The following ST3GAL4 variants were observed in gnomAD, a reference collection of about 807,000 sequenced individuals.
ST3GAL4 encodes the protein CMP-N-acetylneuraminate-beta-galactosamide-alpha-2,3-sialyltransferase 4.
In ST3GAL4, 24 loss-of-function variants were observed where a neutral mutation model predicts 42.6. The ratio of observed to expected loss-of-function variants is 0.56; its 90% CI spans 0.41 to 0.79. The LOEUF (loss-of-function observed/expected upper bound fraction) is 0.79. Ranked by LOEUF, ST3GAL4 falls within the 30% of genes least tolerant of loss-of-function variation. The pLI, the probability that ST3GAL4 is intolerant of heterozygous loss-of-function variation, is 0.00. For missense variants in ST3GAL4, 311 were observed against 430.8 expected (o/e 0.72, Z 2.46); for synonymous variants, 135 against 163.2 (o/e 0.83, Z 1.32).
At position 126,407,312 on chromosome 11, in the gene ST3GAL4, A is replaced by C; in HGVS notation, c.243A>C (p.Pro81=). The change falls in exon 5 of 11, where the codon CCA becomes CCC. Residue 81 remains proline, a synonymous_variant. Coordinates refer to ENST00000444328, the MANE Select transcript of ST3GAL4 (RefSeq NM_001254757.2). ...AGGATTATTTCTGGGTCAAGACGCC[A>C]TCTGCTTACGAGCTGCCCTATGGGA... ...RLEDYFWVKT[P]SAYELPYGTK... 1 of 1,614,176 alleles carries C rather than the reference A, an allele frequency of 6.2e-7. No homozygotes were observed.
intron 5 of ST3GAL4, 107 bp from the exon 6 acceptor site, chr11:126,407,467 A>C: frequency 6.4e-7 from 1 of 1,563,154 alleles, no homozygotes; most frequent in Non-Finnish European, 8.8e-7. Context: ...TACCAGGGTC[A>C]GGGGAAGAAG....
intron 1 of ST3GAL4, among the ~76,000 whole-genome samples, chr11:126,377,986 T>C (rs1259198440): frequency 6.6e-6 from 1 of 152,170 alleles, no homozygotes; most frequent in Non-Finnish European, 1.5e-5. Context: ...AGAAACGGGC[T>C]CTTACAGAAG....
intron 1 of ST3GAL4, among the ~76,000 whole-genome samples, chr11:126,381,965 C>T (rs1229035131): frequency 1.3e-5 from 2 of 151,922 alleles, no homozygotes; most frequent in South Asian, 2.1e-4. Flanking sequence ...AGGCTGGTCC[C>T]GGGCCCCCTC....
In ST3GAL4 at chr11:126,406,107, C is replaced by T. The variant is rs1455477996; in HGVS notation, c.-49C>T. The stretch of plus-strand genomic sequence containing the variant: ...CTCTTATTTCCTAGGTGGCCCGAGG[C>T]AGCCGGGATGACAGCTCTCCCCAGG... On this transcript the variant is annotated 5_prime_UTR_variant, in exon 2 of 11. Coordinates refer to ENST00000444328, the MANE Select transcript of ST3GAL4 (RefSeq NM_001254757.2). This position sits in a 1 kb window ranked among gnomAD's most constrained non-coding sequence, Gnocchi z 5.4. 6 of 1,551,648 alleles carry T rather than the reference C, an allele frequency of 3.9e-6. No homozygotes were observed. The highest frequency in any genetic ancestry group is 5.2e-6 in the Non-Finnish European group (6 of 1,147,050).
At position 126,359,405 on chromosome 11, in the gene ST3GAL4, T is replaced by G. The variant is rs1224236507; in HGVS notation, c.-61+3563T>G. 6.6e-6 allele frequency among the ~76,000 whole-genome samples: 1 copy of G among 152,080 alleles called. No homozygotes were observed. Among genetic ancestry groups the G allele is most frequent in the African/African-American group, 2.4e-5 (1 of 41,378 alleles). On this transcript the variant is annotated intron_variant, in intron 1 of 10. Transcript: ENST00000444328. This position sits in a 1 kb window ranked among gnomAD's most constrained non-coding sequence, Gnocchi z 4.8. ...ATGAAGAAATGGAGGATTGAAGGAT[T>G]AAGTTACTTGGCCAAGGTCATACAG... is the stretch of plus-strand genomic sequence containing the variant.
chr11:126,363,562 G>C lies in ST3GAL4; in HGVS notation c.-61+7720G>C, dbSNP rs1373695227. Among the ~76,000 whole-genome samples the C allele has an allele frequency of 6.6e-6, 1 of 152,336 alleles. No individual in the cohort carries two copies. The highest frequency in any genetic ancestry group is 2.4e-5 in the African/African-American group (1 of 41,578). On this transcript the variant is annotated intron_variant, in intron 1 of 10. Transcript: ENST00000444328. This position sits in a 1 kb window ranked among gnomAD's most constrained non-coding sequence, Gnocchi z 4.6. ...AGGAGTTGAGTTTGGCGAAGAGACA[G>C]TGCCTGCCCAAAGTATGCAATGCTT... is the stretch of plus-strand genomic sequence containing the variant.
rs1056554116 is a variant in ST3GAL4, at chr11:126,374,051, A to G, written c.-61+18209A>G. On this transcript the variant is annotated intron_variant, in intron 1 of 10. Transcript: ENST00000444328. ...GCCGGGCACTATTGTCAACATGGGT[A>G]ATACAGCAGCAAGCAAAACAAGAGA... 1.6e-4 allele frequency among the ~76,000 whole-genome samples: 25 copies of G among 152,140 alleles called. 1 individual carries two copies. The highest frequency in any genetic ancestry group is 3.9e-4 in the East Asian group (2 of 5,170).
chr11:126,406,294 A>T lies in ST3GAL4; in HGVS notation c.16+123A>T. On this transcript the variant is annotated intron_variant, in intron 2 of 10. Transcript: ENST00000444328. This position sits in a 1 kb window ranked among gnomAD's most constrained non-coding sequence, Gnocchi z 5.4. ...CAGGGAGCCAGGGGCCCTTCTCTTC[A>T]TCTTGAAGGACAGTGGGTACAATCA... 1.9e-6 allele frequency: 3 copies of T among 1,543,970 alleles called. No individual in the cohort carries two copies. Among genetic ancestry groups the T allele is most frequent in the Non-Finnish European group, 2.6e-6 (3 of 1,143,944 alleles).
chr11:126,372,007 C>A (rs1198058166), intron 1 of ST3GAL4, among the ~76,000 whole-genome samples: 1 of 152,146 alleles, frequency 6.6e-6, no homozygotes, highest in Non-Finnish European at 1.5e-5. Context: ...TTTTTGTGTT[C>A]TTTTTTATTC....
intron 1 of ST3GAL4, among the ~76,000 whole-genome samples, chr11:126,357,176 T>C (rs966264547): frequency 1.6e-4 from 24 of 152,134 alleles, no homozygotes; most frequent in Non-Finnish European, 7.4e-5. Flanking sequence ...GAATGCCCCT[T>C]GACCGTTCCC....
chr11:126,370,923 C>A (rs1375095696), intron 1 of ST3GAL4, among the ~76,000 whole-genome samples: 1 of 152,080 alleles, frequency 6.6e-6, no homozygotes, highest in African/African-American at 2.4e-5. Context: ...CTGCCTTGGC[C>A]TCCCAAAGTG....
chr11:126,407,126 G>A, intron 4 of ST3GAL4, 103 bp downstream of exon 4: 1 of 1,474,588 alleles, frequency 6.8e-7, no homozygotes, highest in Non-Finnish European at 9.5e-7. Flanking sequence ...TGTGTTGGTG[G>A]ACATGGGTTA....
intron 1 of ST3GAL4, among the ~76,000 whole-genome samples, chr11:126,402,467 AAAGAAG>A (rs1228816511): frequency 3.3e-5 from 5 of 151,532 alleles, no homozygotes; most frequent in South Asian, 2.1e-4. Context: ...AAAAAAAAAA[AAAGAAG>A]AAGAAGAAGA....
intron 1 of ST3GAL4, among the ~76,000 whole-genome samples, chr11:126,367,037 G>T (rs1252237690): frequency 6.6e-6 from 1 of 152,104 alleles, no homozygotes; most frequent in Non-Finnish European, 1.5e-5. Context: ...CTCTGCTCAG[G>T]TGTGGGGGGC....
At chr11:126,369,468 G>A (rs548648231) in intron 1 of ST3GAL4, among the ~76,000 whole-genome samples, 3 of 152,174 alleles carry the variant, frequency 2.0e-5, no homozygotes, top group Non-Finnish European at 2.9e-5. Context: ...GGCTGGTCTC[G>A]ATCTCCTGAC....
In ST3GAL4 at chr11:126,406,363, T is replaced by C. The variant is rs1339821163; in HGVS notation, c.17-110T>C. The C allele has an allele frequency of 3.8e-6, 6 of 1,577,434 alleles. No individual in the cohort carries two copies. Among genetic ancestry groups the C allele is most frequent in the Non-Finnish European group, 4.3e-6 (5 of 1,161,664 alleles). On this transcript the variant is annotated intron_variant, in intron 2 of 10. Transcript: ENST00000444328. The surrounding 1 kb of genome is among the most constrained non-coding windows in gnomAD (Gnocchi z 5.4). ...GGGCCAGGAGAGGGCCAGAGACTGC[T>C]TCTGTTGAGTTAGGGGTCGGAGGGA...
At chr11:126,402,358 AGGCACGAGAATCATTTGAACCT>A (rs1357505096) in intron 1 of ST3GAL4, among the ~76,000 whole-genome samples, 5 of 150,324 alleles carry the variant, frequency 3.3e-5, no homozygotes, top group Non-Finnish European at 7.4e-5. Context: ...CAGGAGGCTG[AGGCACGAGAATCATTTGAACCT>A]GGGAGGTGGA....
Position 126,384,848 on chromosome 11 carries a change from G to T in ST3GAL4, c.-60-21248G>T. ...CTTTGTCACATATGGGCCAGGAGAG[G>T]TGAGTGTGATTGTGGTAGTGGTGGG... On this transcript the variant is annotated intron_variant, in intron 1 of 10. Transcript: ENST00000444328. The surrounding 1 kb of genome is among the most constrained non-coding windows in gnomAD (Gnocchi z 5.5). 2 of 985,362 alleles carry T rather than the reference G, an allele frequency of 2.0e-6. No homozygotes were observed. The highest frequency in any genetic ancestry group is 2.4e-6 in the Non-Finnish European group (2 of 829,926). 61.0% of individuals were successfully genotyped at this position (985,362 alleles called of 1,614,324 possible). A position where few individuals can be genotyped will look rare whatever the true frequency, so the allele number is the denominator to read the frequency against.
chr11:126,414,234 C>T lies in ST3GAL4; in HGVS notation c.*187C>T. 4 of 627,962 alleles carry T rather than the reference C, an allele frequency of 6.4e-6. No homozygotes were observed. The East Asian group carries it at 8.3e-5, about 13-fold the overall frequency. 38.9% of individuals were successfully genotyped at this position (627,962 alleles called of 1,614,324 possible). The stretch of plus-strand genomic sequence containing the variant: ...TGGCTGCTCTTATGGAGCCGAGATC[C>T]AGTCAGGGTGGGGGCGCTGGAGCCG... On this transcript the variant is annotated 3_prime_UTR_variant, in exon 11 of 11. Transcript: ENST00000444328.
Sources: gnomAD v4.1 joint callset for allele counts (sites outside exome capture counted in the v4.1 genomes callset) on GRCh38, gnomAD v4.1.1 for gene constraint, Gnocchi (gnomAD v3.1) non-coding constraint, MANE v1.5 for transcripts, NCBI Gene and HGNC (gene_info 2026-07-23, HGNC 2026-07-21) for gene names.